EIF3B: variants seen among roughly 807,000 people sequenced by gnomAD.
The protein encoded by EIF3B is eukaryotic translation initiation factor 3 subunit 9.
A neutral mutation model predicts 104.6 loss-of-function variants in EIF3B; 10 were observed. The observed-to-expected ratio is 0.10, with a 90% CI of 0.06 to 0.16. The LOEUF is 0.16. EIF3B is among the 10% of genes least tolerant of loss of function. The pLI is 1.00. For synonymous variants in EIF3B, 542 were observed against 417.2 expected (o/e 1.30, Z -3.65); for missense variants, 1,014 against 1,087.9 (o/e 0.93, Z 0.96).
rs762171100 is a variant in EIF3B, at chr7:2,362,843, C to T, written c.812+79C>T. Reference sequence around the variant, plus strand: ...TGTGTGCGGGTGGCTTGGTGCTTCTCGGTGCTGGTGTCTGTCAGATTGTTC... The same window carrying T: ...TGTGTGCGGGTGGCTTGGTGCTTCTTGGTGCTGGTGTCTGTCAGATTGTTC... On this transcript the variant is annotated intron_variant, in intron 3 of 18. Transcript: ENST00000360876. 37 of 1,586,750 alleles carry T rather than the reference C, an allele frequency of 2.3e-5. 1 individual carries two copies. The highest frequency in any genetic ancestry group is 1.6e-4 in the African/African-American group (12 of 74,438).
intron 18 of EIF3B, 73 bp downstream of exon 18, chr7:2,379,584 G>A: frequency 1.1e-6 from 1 of 951,982 alleles, no homozygotes; most frequent in Non-Finnish European, 1.6e-6. Context: ...CCGTCACTGA[G>A]GAAGCACCTC....
rs758656120 is a variant in EIF3B at position 2,378,741 on chromosome 7, G to A, written c.2207G>A (p.Arg736His). ...KYSKIFEQKD[R>H]LSQSKASKEL... ...TCTAAGATCTTTGAACAGAAGGATC[G>A]TTTGAGTCAGTCCAAAGCCTCAAAG... is the stretch of plus-strand genomic sequence containing the variant. The change falls in exon 16 of 19, where the codon CGT becomes CAT. Residue 736 changes from arginine (R) to histidine (H), a missense_variant. By Grantham distance (29) the Arg-to-His change is conservative. Around this residue, in one of 4 missense-constraint regions of EIF3B, gnomAD observed 266 missense variants for 324.0 expected, o/e 0.82. Coordinates refer to ENST00000360876, the MANE Select transcript of EIF3B (RefSeq NM_001037283.2). 5.0e-6 allele frequency: 8 copies of A among 1,614,020 alleles called. No homozygotes were observed. The highest frequency in any genetic ancestry group is 2.2e-5 in the East Asian group (1 of 44,890).
At chr7:2,378,623 C>G (rs1562494246) in intron 15 of EIF3B, 66 bp from the exon 16 acceptor site, 2 of 1,452,488 alleles carry the variant, frequency 1.4e-6, no homozygotes, top group South Asian at 1.2e-5. Flanking sequence ...GTTGGCAACT[C>G]TGAAGATTGC....
At position 2,372,675 on chromosome 7, in the gene EIF3B, A is replaced by T; in HGVS notation, c.1690A>T (p.Thr564Ser). The change falls in exon 12 of 19, where the codon ACC (threonine) becomes TCC (serine). Residue 564 changes from threonine to serine, a missense_variant and splice_region_variant. Physicochemically the swap from Thr to Ser is moderately conservative, Grantham distance 58. Around this residue, in one of 4 missense-constraint regions of EIF3B, gnomAD observed 59 missense variants for 118.8 expected, o/e 0.50. Transcript: ENST00000360876. ...GGGGTCTGTTTTGTGCATTTTAGAA[A>T]CCATCATAGCCTTTGCCTGGGAACC... ...VPVDVVEMKE[T>S]IIAFAWEPNG... The T allele has an allele frequency of 1.9e-6, 3 of 1,613,578 alleles. No homozygotes were observed. Among genetic ancestry groups the T allele is most frequent in the Non-Finnish European group, 2.5e-6 (3 of 1,179,634 alleles).
intron 1 of EIF3B, among the ~76,000 whole-genome samples, chr7:2,360,029 T>TG (rs1779646117): frequency 6.6e-6 from 1 of 152,058 alleles, no homozygotes; most frequent in South Asian, 2.1e-4. Context: ...CGGAGAGAGG[T>TG]GGGGAAGCTC....
intron 10 of EIF3B, among the ~76,000 whole-genome samples, chr7:2,370,126 A>AT (rs1422095879): frequency 6.6e-6 from 1 of 151,830 alleles, no homozygotes; most frequent in Non-Finnish European, 1.5e-5. Flanking sequence ...CTCAAGATTT[A>AT]TTTTTTTATT....
chr7:2,371,477 G>A (rs1325019813), intron 10 of EIF3B, among the ~76,000 whole-genome samples: 1 of 152,248 alleles, frequency 6.6e-6, no homozygotes, highest in African/African-American at 2.4e-5. Flanking sequence ...GCAGCCTGCA[G>A]TGTGGACCCT....
chr7:2,372,594 A>G, intron 11 of EIF3B, 79 bp from the exon 12 acceptor site: 1 of 1,521,220 alleles, frequency 6.6e-7, no homozygotes, highest in Non-Finnish European at 8.9e-7. Context: ...CTGTGGTTGA[A>G]TAGTGAACAT....
chr7:2,376,764 G>C, intron 14 of EIF3B, 186 bp from the exon 15 acceptor site: 2 of 744,446 alleles, frequency 2.7e-6, no homozygotes, highest in Non-Finnish European at 4.2e-6. Context: ...CGCACTCCGG[G>C]TCGGTTGCAT....
At chr7:2,362,900 A>G (rs1779815505) in intron 3 of EIF3B, 136 bp downstream of exon 3, 9 of 1,455,156 alleles carry the variant, frequency 6.2e-6, no homozygotes, top group South Asian at 2.4e-5. Flanking sequence ...CCGCAGAGCC[A>G]TTTCACAGCC....
intron 9 of EIF3B, among the ~76,000 whole-genome samples, chr7:2,367,336 A>G (rs1780077810): frequency 6.7e-6 from 1 of 149,754 alleles, no homozygotes; most frequent in Non-Finnish European, 1.5e-5. Context: ...CCCCCTCAGG[A>G]CCTCCCACCC....
chr7:2,367,037 T>A lies in EIF3B; in HGVS notation c.1395T>A (p.Ser465=). Residue 465 remains serine (S), a synonymous_variant, in exon 9 of 19, where the codon TCT becomes TCA. Coordinates refer to ENST00000360876, the MANE Select transcript of EIF3B (RefSeq NM_001037283.2). ...GLLDKKSLKI[S]GIKDFSWSPG... ...TGGACAAGAAGAGTTTGAAGATCTC[T>A]GGGATAAAGTGAGTATTCTTATCAG... The A allele has an allele frequency of 6.2e-7, 1 of 1,612,500 alleles. No individual in the cohort carries two copies. Among genetic ancestry groups the A allele is most frequent in the Non-Finnish European group, 8.5e-7 (1 of 1,179,692 alleles).
chr7:2,372,653 G>A lies in EIF3B; in HGVS notation c.1688-20G>A, dbSNP rs78085845. On this transcript the variant is annotated intron_variant, in intron 11 of 18. Coordinates refer to ENST00000360876, the MANE Select transcript of EIF3B (RefSeq NM_001037283.2). ...TTCTGAATTGACCAAAAAGGGAGGG[G>A]TCTGTTTTGTGCATTTTAGAAACCA... 60 of 1,612,318 alleles carry A rather than the reference G, an allele frequency of 3.7e-5. No individual in the cohort carries two copies. The African/African-American group carries it at 7.7e-4, about 21-fold the overall frequency.
Position 2,355,405 on chromosome 7 carries a change from G to T in EIF3B, c.484G>T (p.Asp162Tyr), listed in dbSNP as rs1350032706. The change falls in exon 1 of 19, where the codon GAC (aspartate) becomes TAC (tyrosine). Residue 162 changes from aspartate to tyrosine, a missense_variant. Around this residue, in one of 4 missense-constraint regions of EIF3B, gnomAD observed 488 missense variants for 404.3 expected, o/e 1.21. Transcript: ENST00000360876. ...SFSDPEDFVD[D>Y]VSEEELLGDV... is the part of the protein sequence containing the mutation. ...CAGCGACCCCGAGGACTTCGTGGAC[G>T]ACGTGAGCGAGGAAGGTGAGGGCGC... The T allele has an allele frequency of 6.8e-7, 1 of 1,475,774 alleles. No homozygotes were observed. Among genetic ancestry groups the T allele is most frequent in the South Asian group, 1.3e-5 (1 of 77,364 alleles). The allele number at this position is 1,475,774 out of a possible 1,614,324, so 91.4% of individuals were successfully genotyped here.
intron 9 of EIF3B, among the ~76,000 whole-genome samples, chr7:2,368,672 A>T (rs1562484707): frequency 6.6e-6 from 1 of 152,196 alleles, no homozygotes; most frequent in Non-Finnish European, 1.5e-5. Context: ...TAAGGAAAAG[A>T]GGGGACTCTG....
chr7:2,362,791 G>A (rs777221361), intron 3 of EIF3B, 27 bp downstream of exon 3: 1 of 1,613,738 alleles, frequency 6.2e-7, no homozygotes. Flanking sequence ...CCACAAGGAA[G>A]TGGACGTTGA....
At chr7:2,375,631 G>A (rs1035640214) in intron 14 of EIF3B, 104 bp downstream of exon 14, 1 of 1,528,304 alleles carries the variant, frequency 6.5e-7, no homozygotes, top group South Asian at 1.2e-5. Flanking sequence ...GGGGCACCAA[G>A]CCTCTGTGTT....
At chr7:2,366,924 T>C in intron 8 of EIF3B, 75 bp from the exon 9 acceptor site, 2 of 1,483,496 alleles carry the variant, frequency 1.3e-6, no homozygotes, top group Non-Finnish European at 1.9e-6. Context: ...TTGTTTCCTT[T>C]TGTAAAAAGT....
At chr7:2,361,413 G>C (rs1269497503) in intron 2 of EIF3B, among the ~76,000 whole-genome samples, 1 of 152,056 alleles carries the variant, frequency 6.6e-6, no homozygotes, top group African/African-American at 2.4e-5. Flanking sequence ...CATTCTCTGA[G>C]GTTCTTTCTT....
Sources: gnomAD v4.1 joint callset for allele counts (sites outside exome capture counted in the v4.1 genomes callset) on GRCh38, gnomAD v4.1.1 for gene constraint, gnomAD v4.1.1 regional missense constraint, MANE v1.5 for transcripts, NCBI Gene and HGNC (gene_info 2026-07-23, HGNC 2026-07-21) for gene names.